Variants in RBM39 observed in about 807,000 individuals in gnomAD.
RBM39 encodes the protein RNA binding motif protein 39.
RBM39 carries 12 observed loss-of-function variants against 79.6 expected under a neutral mutation model. That is an observed-to-expected ratio of 0.15 (90% CI 0.10 to 0.24). The LOEUF is 0.24. Among genes scored for constraint, RBM39 ranks in the 10% least tolerant of loss-of-function variants. RBM39 has a pLI of 1.00. For synonymous variants in RBM39, 185 were observed against 208.4 expected (o/e 0.89, Z 0.97); for missense variants, 243 against 653.4 (o/e 0.37, Z 6.85).
At position 35,721,833 on chromosome 20, in the gene RBM39, C is replaced by T. The variant is rs755385003; in HGVS notation, c.732G>A (p.Lys244=). ...RAAAMANNLQ[K]GSAGPMRLYV... Reference sequence around the variant, plus strand: ...AAAGCCTCATAGGTCCAGCACTTCCCTTTTGTAAATTGTTTGCCATTGCTG... The same window carrying T: ...AAAGCCTCATAGGTCCAGCACTTCCTTTTTGTAAATTGTTTGCCATTGCTG... The change falls in exon 9 of 17, where the codon AAG becomes AAA. Residue 244 remains lysine, a synonymous_variant. Transcript: ENST00000253363. The T allele has an allele frequency of 1.9e-6, 3 of 1,613,958 alleles. No individual in the cohort carries two copies. Among genetic ancestry groups the T allele is most frequent in the Non-Finnish European group, 2.5e-6 (3 of 1,179,878 alleles).
intron 10 of RBM39, 139 bp from the exon 11 acceptor site, chr20:35,714,528 A>G (rs967954437): frequency 8.0e-7 from 1 of 1,245,390 alleles, no homozygotes; most frequent in Non-Finnish European, 1.1e-6. Flanking sequence ...AGCTGTAAGT[A>G]GCAAACACAA....
chr20:35,724,091 G>C (rs1016598541), intron 8 of RBM39, among the ~76,000 whole-genome samples: 1 of 151,970 alleles, frequency 6.6e-6, no homozygotes, highest in African/African-American at 2.4e-5. Flanking sequence ...CAGCACTTTG[G>C]AAGGCTGGGG....
chr20:35,734,514 T>A, intron 3 of RBM39: 1 of 210,928 alleles, frequency 4.7e-6, no homozygotes, highest in Non-Finnish European at 9.7e-6. Context: ...AAAAAGTAAC[T>A]CCATCCCCCT....
At chr20:35,710,196 C>T (rs1213948519) in intron 12 of RBM39, 2 of 152,086 alleles carry the variant, frequency 1.3e-5, no homozygotes, top group African/African-American at 2.4e-5. Context: ...TCAACTGCAA[C>T]ACTTTATTAC....
rs935185817 is a variant in RBM39, at chr20:35,702,168, TA to T, written c.*2312del. On this transcript the variant is annotated 3_prime_UTR_variant, in exon 17 of 17. Coordinates refer to ENST00000253363, the MANE Select transcript of RBM39 (RefSeq NM_184234.3). ...CCCGCATTGCCCATTAAGCATTTCT[TA>T]AACAGAACTTTCAAAGATGGTAGTA... The T allele has an allele frequency of 6.6e-6, 1 of 152,208 alleles. No homozygotes were observed. The highest frequency in any genetic ancestry group is 1.5e-5 in the Non-Finnish European group (1 of 68,050). The allele number at this position is 152,208 out of a possible 1,614,324, so 9.4% of individuals were successfully genotyped here.
At chr20:35,738,420 C>T (rs2040204253) in intron 3 of RBM39, among the ~76,000 whole-genome samples, 1 of 152,160 alleles carries the variant, frequency 6.6e-6, no homozygotes, top group South Asian at 2.1e-4. Flanking sequence ...TTCCAAAATC[C>T]CCACCCTGTT....
At chr20:35,719,800 C>CTT (rs2037675075) in intron 9 of RBM39, among the ~76,000 whole-genome samples, 1 of 152,038 alleles carries the variant, frequency 6.6e-6, no homozygotes, top group Non-Finnish European at 1.5e-5. Context: ...CATGATTATT[C>CTT]TTTTTCTTTT....
chr20:35,735,230 ATT>A (rs2146714707), intron 3 of RBM39: 1 of 1,224,714 alleles, frequency 8.2e-7, no homozygotes, highest in East Asian at 2.8e-5. Context: ...ATGGACGCTG[ATT>A]TAGACTTTGC....
chr20:35,702,168 T>TAC lies in RBM39; in HGVS notation c.*2312_*2313insGT, dbSNP rs1555885641. On this transcript the variant is annotated 3_prime_UTR_variant, in exon 17 of 17. Coordinates refer to ENST00000253363, the MANE Select transcript of RBM39 (RefSeq NM_184234.3). ...CCCGCATTGCCCATTAAGCATTTCT[T>TAC]AAACAGAACTTTCAAAGATGGTAGT... The TAC allele has an allele frequency of 3.3e-5, 5 of 152,326 alleles. No individual in the cohort carries two copies. Among genetic ancestry groups the TAC allele is most frequent in the East Asian group, 1.9e-4 (1 of 5,188 alleles). The allele number at this position is 152,326 out of a possible 1,614,324, so 9.4% of individuals were successfully genotyped here. A position where few individuals can be genotyped will look rare whatever the true frequency, so the allele number is the denominator to read the frequency against.
intron 2 of RBM39, chr20:35,739,433 G>A (rs1296337005): frequency 2.1e-6 from 1 of 471,530 alleles, no homozygotes; most frequent in Admixed American, 2.3e-5. Flanking sequence ...GGCCATGCTA[G>A]CAGCCAGCCA....
chr20:35,726,493 T>A (rs1439689727), intron 6 of RBM39, among the ~76,000 whole-genome samples: 1 of 152,156 alleles, frequency 6.6e-6, no homozygotes, highest in East Asian at 1.9e-4. Flanking sequence ...ATCATAGTCA[T>A]AAAACATATC....
intron 8 of RBM39, among the ~76,000 whole-genome samples, chr20:35,722,142 T>C (rs2038020161): frequency 6.6e-6 from 1 of 152,148 alleles, no homozygotes; most frequent in Non-Finnish European, 1.5e-5. Flanking sequence ...GCACGATGGC[T>C]CACACCTGTA....
chr20:35,714,461 T>A, intron 10 of RBM39, 72 bp from the exon 11 acceptor site: 2 of 1,443,930 alleles, frequency 1.4e-6, no homozygotes, highest in Non-Finnish European at 1.8e-6. Context: ...CTTAAAAATA[T>A]ATTTATATTT....
At chr20:35,705,353 CTT>C (rs766402032) in intron 14 of RBM39, 23 bp from the exon 15 acceptor site, 1 of 1,274,106 alleles carries the variant, frequency 7.8e-7, no homozygotes, top group African/African-American at 1.5e-5. Flanking sequence ...ATTAAGGACT[CTT>C]AAATACTATT....
chr20:35,712,945 T>C, intron 12 of RBM39, 74 bp downstream of exon 12: 3 of 1,240,346 alleles, frequency 2.4e-6, no homozygotes, highest in South Asian at 1.4e-5. Flanking sequence ...TAAGTCCTTT[T>C]AAATGTAAAA....
In RBM39 at chr20:35,733,611, A is replaced by AAAAAAAG. The variant is rs1555903548; in HGVS notation, c.102-1477_102-1476insCTTTTTT. On this transcript the variant is annotated intron_variant, in intron 3 of 16. Transcript: ENST00000253363. ...GCAACAGAGCAAGACTGTCTCCAAA[A>AAAAAAAG]AAAAAGAAAAAGAAAAAGAACTAAC... Among the ~76,000 whole-genome samples the AAAAAAAG allele has an allele frequency of 9.8e-3, 1,487 of 151,698 alleles. 13 individuals carry two copies. Among genetic ancestry groups the AAAAAAAG allele is most frequent in the African/African-American group, 0.034 (1,401 of 41,174 alleles).
At chr20:35,713,362 G>A (rs1048333854) in intron 11 of RBM39, 7 of 293,688 alleles carry the variant, frequency 2.4e-5, no homozygotes, top group Non-Finnish European at 3.9e-5. Flanking sequence ...ACAGGCTCTT[G>A]TTGCACAGGC....
At chr20:35,715,076 T>G (rs2036939222) in intron 10 of RBM39, among the ~76,000 whole-genome samples, 1 of 152,244 alleles carries the variant, frequency 6.6e-6, no homozygotes, top group South Asian at 2.1e-4. Flanking sequence ...GCAACAGGCT[T>G]ACATTTTATT....
chr20:35,717,044 T>C (rs1340280401), intron 9 of RBM39, among the ~76,000 whole-genome samples: 6 of 150,844 alleles, frequency 4.0e-5, no homozygotes, highest in South Asian at 2.1e-4. Flanking sequence ...TTTTGGGAGG[T>C]TGAGGGAGGC....
Sources: gnomAD v4.1 joint callset for allele counts (sites outside exome capture counted in the v4.1 genomes callset) on GRCh38, gnomAD v4.1.1 for gene constraint, MANE v1.5 for transcripts, NCBI Gene and HGNC (gene_info 2026-07-23, HGNC 2026-07-21) for gene names.